BMPR1B: variants seen among roughly 807,000 people sequenced by gnomAD.
BMPR1B encodes bone morphogenetic protein receptor type 1B, also known as bone morphogenetic protein receptor type-1B.
In BMPR1B, 12 loss-of-function variants were observed where a neutral mutation model predicts 59.1. The ratio of observed to expected loss-of-function variants is 0.20; its 90% CI spans 0.13 to 0.33. BMPR1B has a LOEUF of 0.33. Among genes scored for constraint, BMPR1B ranks in the 10% least tolerant of loss-of-function variants. BMPR1B has a pLI of 1.00. For missense variants in BMPR1B, 550 were observed against 610.9 expected (o/e 0.90, Z 1.05); for synonymous variants, 237 against 207.3 (o/e 1.14, Z -1.23).
chr4:94,902,877 A>G (rs1390749167), intron 2 of BMPR1B, among the ~76,000 whole-genome samples: 1 of 152,010 alleles, frequency 6.6e-6, no homozygotes. Context: ...CTTATTCTCA[A>G]TTCAGTCTCT....
At chr4:95,029,095 T>C (rs1047422086) in intron 3 of BMPR1B, among the ~76,000 whole-genome samples, 36 of 151,960 alleles carry the variant, frequency 2.4e-4, no homozygotes, top group Non-Finnish European at 5.0e-4. Flanking sequence ...TTATTTCTTA[T>C]TTTTTATTAT....
intron 1 of BMPR1B, among the ~76,000 whole-genome samples, chr4:94,860,809 CTTTTAT>C (rs1281362469): frequency 0.063 from 9,424 of 150,394 alleles, 722 homozygotes; most frequent in African/African-American, 0.19. Context: ...TGGACAAAAC[CTTTTAT>C]ATGTCTTTTA....
intron 1 of BMPR1B, among the ~76,000 whole-genome samples, chr4:94,791,949 C>A (rs1038462343): frequency 2.0e-5 from 3 of 152,026 alleles, no homozygotes; most frequent in Admixed American, 2.0e-4. Context: ...TTCTTTCTTC[C>A]TTTGATCAGT....
At chr4:94,986,939 G>C (rs1721443367) in intron 2 of BMPR1B, among the ~76,000 whole-genome samples, 2 of 151,074 alleles carry the variant, frequency 1.3e-5, no homozygotes, top group Non-Finnish European at 2.9e-5. Context: ...TACTCGGGAG[G>C]CTGAGGCAGG....
intron 1 of BMPR1B, among the ~76,000 whole-genome samples, chr4:94,856,396 A>G (rs1348730773): frequency 6.6e-6 from 1 of 152,188 alleles, no homozygotes; most frequent in East Asian, 1.9e-4. Context: ...CGTAAGTCAT[A>G]GAAAACAGCA....
At chr4:94,783,040 G>A (rs1722640458) in intron 1 of BMPR1B, among the ~76,000 whole-genome samples, 1 of 152,286 alleles carries the variant, frequency 6.6e-6, no homozygotes, top group Non-Finnish European at 1.5e-5. Context: ...AATGGTGGGT[G>A]CAACCTTGGG....
chr4:95,004,403 A>G (rs1016270677), intron 3 of BMPR1B, among the ~76,000 whole-genome samples: 3 of 152,122 alleles, frequency 2.0e-5, no homozygotes, highest in Non-Finnish European at 2.9e-5. Context: ...ATTACACCTT[A>G]TAGTTGATAA....
In BMPR1B at chr4:94,778,142, G is replaced by C. The variant is rs539049759; in HGVS notation, c.-183+20074G>C. 3.3e-5 allele frequency among the ~76,000 whole-genome samples: 5 copies of C among 152,204 alleles called. No homozygotes were observed. In the South Asian group the frequency reaches 1.0e-3, roughly 32 times the overall value. On this transcript the variant is annotated intron_variant, in intron 1 of 12. Coordinates refer to ENST00000515059, the MANE Select transcript of BMPR1B (RefSeq NM_001203.3). ...TGCTTGTACATCCAATAGTCAGCTT[G>C]TGAAACAAAGTAATACCAATAACTT...
At chr4:94,857,333 T>C (rs1206602510) in intron 1 of BMPR1B, among the ~76,000 whole-genome samples, 1 of 152,190 alleles carries the variant, frequency 6.6e-6, no homozygotes, top group East Asian at 1.9e-4. Flanking sequence ...CTATGTGAAA[T>C]ATGTAGCCGT....
intron 2 of BMPR1B, among the ~76,000 whole-genome samples, chr4:94,968,350 TG>T (rs111866983): frequency 0.52 from 78,656 of 151,030 alleles, 20,973 homozygotes; most frequent in African/African-American, 0.61. Context: ...TAGTTTTTTT[TG>T]TTGTTGTTGT....
chr4:94,952,396 T>A (rs907188689), intron 2 of BMPR1B, among the ~76,000 whole-genome samples: 1 of 152,208 alleles, frequency 6.6e-6, no homozygotes, highest in Non-Finnish European at 1.5e-5. Flanking sequence ...TGTGGGCATT[T>A]AGTGCTATAA....
chr4:95,022,001 A>G (rs1724021777), intron 3 of BMPR1B, among the ~76,000 whole-genome samples: 1 of 152,240 alleles, frequency 6.6e-6, no homozygotes, highest in Non-Finnish European at 1.5e-5. Context: ...TGTTTAAAAA[A>G]CAATACCATT....
chr4:94,818,149 T>A (rs1481445453), intron 1 of BMPR1B, among the ~76,000 whole-genome samples: 2 of 152,218 alleles, frequency 1.3e-5, no homozygotes, highest in Non-Finnish European at 2.9e-5. Context: ...TCTTTTTTAT[T>A]ACTTTTTTAA....
At chr4:95,071,094 A>C (rs1728246212) in intron 3 of BMPR1B, among the ~76,000 whole-genome samples, 2 of 152,300 alleles carry the variant, frequency 1.3e-5, no homozygotes, top group African/African-American at 2.4e-5. Flanking sequence ...TCATAATATA[A>C]AAATTTTAAT....
chr4:95,084,546 G>A (rs1729423553), intron 3 of BMPR1B, among the ~76,000 whole-genome samples: 2 of 152,098 alleles, frequency 1.3e-5, no homozygotes, highest in South Asian at 4.1e-4. Context: ...ACATGTTGTA[G>A]TGTTTTGGAA....
In BMPR1B at chr4:95,116,421, G is replaced by GCACACACACACACACA. The variant is rs35436544; in HGVS notation, c.349+662_349+677dup. On this transcript the variant is annotated intron_variant, in intron 6 of 12. Coordinates refer to ENST00000515059, the MANE Select transcript of BMPR1B (RefSeq NM_001203.3). ...CTCCTCCTCCATGCTTTCAGCGCGC[G>GCACACACACACACACA]CACACACACACACACACACACACAC... Among the ~76,000 whole-genome samples, 1,008 of 123,216 alleles carry GCACACACACACACACA rather than the reference G, an allele frequency of 8.2e-3. 16 individuals carry two copies. Among genetic ancestry groups the GCACACACACACACACA allele is most frequent in the East Asian group, 0.012 (53 of 4,300 alleles). The allele number at this position is 123,216 out of a possible 152,430, so 80.8% of individuals were successfully genotyped here. A position where few individuals can be genotyped will look rare whatever the true frequency, so the allele number is the denominator to read the frequency against.
At chr4:95,130,723 C>CTTTTTTTTTTTTT (rs148720302) in intron 9 of BMPR1B, among the ~76,000 whole-genome samples, 44 of 77,910 alleles carry the variant, frequency 5.6e-4, no homozygotes, top group African/African-American at 6.6e-4. Context: ...CTTTTCTTTT[C>CTTTTTTTTTTTTT]TTTTTTTTTT....
At chr4:94,762,205 A>G (rs1721800492) in intron 1 of BMPR1B, among the ~76,000 whole-genome samples, 1 of 151,792 alleles carries the variant, frequency 6.6e-6, no homozygotes, top group Admixed American at 6.5e-5. Context: ...TGTGTGTGGC[A>G]CTGTTATACA....
intron 3 of BMPR1B, among the ~76,000 whole-genome samples, chr4:95,067,119 C>T (rs1727872278): frequency 6.6e-6 from 1 of 152,110 alleles, no homozygotes; most frequent in South Asian, 2.1e-4. Context: ...AATTTTCAAA[C>T]TGAAGTGATA....
Sources: allele counts gnomAD v4.1 joint callset (sites outside exome capture counted in the v4.1 genomes callset), GRCh38; gene constraint gnomAD v4.1.1; transcripts MANE v1.5; gene names NCBI Gene and HGNC (gene_info 2026-07-23, HGNC 2026-07-21).